The following ME1 variants were observed in gnomAD, a reference collection of about 807,000 sequenced individuals.
The protein encoded by ME1 is NADP-dependent malic enzyme.
A neutral mutation model predicts 66.4 loss-of-function variants in ME1; 74 were observed. That is an observed-to-expected ratio of 1.11 (90% CI 0.92 to 1.35). The LOEUF (loss-of-function observed/expected upper bound fraction) is 1.35. Ranked by LOEUF, ME1 falls within the 40% of genes most tolerant of loss-of-function variation. ME1 has a pLI of 0.00. For synonymous variants in ME1, 251 were observed against 235.6 expected (o/e 1.07, Z -0.60); for missense variants, 750 against 694.1 (o/e 1.08, Z -0.90).
chr6:83,428,403 G>C (rs1009172990), intron 1 of ME1, among the ~76,000 whole-genome samples: 1 of 152,236 alleles, frequency 6.6e-6, no homozygotes, highest in East Asian at 1.9e-4. Context: ...TATATATGTA[G>C]AATGAACTAT....
intron 7 of ME1, among the ~76,000 whole-genome samples, chr6:83,242,434 T>C (rs558172605): frequency 6.6e-6 from 1 of 152,212 alleles, no homozygotes; most frequent in East Asian, 1.9e-4. Flanking sequence ...ACTAAATAGA[T>C]TGGGTAAAAT....
At chr6:83,377,047 G>A (rs1021647655) in intron 3 of ME1, among the ~76,000 whole-genome samples, 6 of 152,060 alleles carry the variant, frequency 3.9e-5, no homozygotes, top group African/African-American at 1.4e-4. Context: ...TTATACTGTG[G>A]AAATGTATCA....
chr6:83,402,914 T>A (rs1402992937), intron 2 of ME1, among the ~76,000 whole-genome samples: 1 of 152,206 alleles, frequency 6.6e-6, no homozygotes, highest in Admixed American at 6.5e-5. Flanking sequence ...CCATAAGTAT[T>A]TCTTCCTTGT....
intron 3 of ME1, among the ~76,000 whole-genome samples, chr6:83,396,235 G>A (rs952130548): frequency 9.9e-5 from 15 of 151,920 alleles, no homozygotes; most frequent in Non-Finnish European, 1.2e-4. Flanking sequence ...ATGGTGGTGC[G>A]CACCTGTAAT....
At chr6:83,301,889 G>A (rs1767727247) in intron 6 of ME1, among the ~76,000 whole-genome samples, 1 of 152,136 alleles carries the variant, frequency 6.6e-6, no homozygotes, top group South Asian at 2.1e-4. Flanking sequence ...GCAGTGTGCA[G>A]ATTCCTCATA....
Position 83,392,870 on chromosome 6 carries a change from C to T in ME1, c.362+5497G>A, listed in dbSNP as rs556865028. The T allele has an allele frequency of 1.5e-4, 113 of 779,132 alleles. No homozygotes were observed. The South Asian group carries it at 1.5e-3, about 10-fold the overall frequency. The allele number at this position is 779,132 out of a possible 1,614,324, so 48.3% of individuals were successfully genotyped here. ...TCAAGATTATCAGCAATGCCTCCTG[C>T]ACCACCAGCTGCTTAACGCCCCTGG... is the stretch of plus-strand genomic sequence containing the variant. On this transcript the variant is annotated intron_variant, in intron 3 of 13. Transcript: ENST00000369705.
rs987497812 is a variant in ME1, at chr6:83,354,374, C to T, written c.363-2235G>A. On this transcript the variant is annotated intron_variant, in intron 3 of 13. Transcript: ENST00000369705. ...CTTGAACTCCTGACCTCAAGTGATC[C>T]GCCTGCCTCAGCTTCCCAAAGTGTT... 5.3e-5 allele frequency among the ~76,000 whole-genome samples: 8 copies of T among 152,270 alleles called. No individual in the cohort carries two copies. In the East Asian group the frequency reaches 5.8e-4, roughly 11 times the overall value.
intron 1 of ME1, 114 bp downstream of exon 1, chr6:83,430,763 G>A (rs867880975): frequency 1.7e-5 from 16 of 926,616 alleles, no homozygotes; most frequent in Non-Finnish European, 2.6e-5. Context: ...CGCTCACCGG[G>A]AACCTTCCCA....
At chr6:83,349,825 T>C (rs1768763845) in intron 4 of ME1, among the ~76,000 whole-genome samples, 1 of 152,208 alleles carries the variant, frequency 6.6e-6, no homozygotes, top group Admixed American at 6.5e-5. Context: ...TATATTCCAA[T>C]ATTAACACTC....
chr6:83,311,954 A>G (rs1244255303), intron 6 of ME1, among the ~76,000 whole-genome samples: 1 of 152,112 alleles, frequency 6.6e-6, no homozygotes, highest in African/African-American at 2.4e-5. Flanking sequence ...AAGATGAATG[A>G]CCACAAAGTT....
At chr6:83,369,393 C>A (rs1253386578) in intron 3 of ME1, among the ~76,000 whole-genome samples, 1 of 152,038 alleles carries the variant, frequency 6.6e-6, no homozygotes. Context: ...TAAAGTAACT[C>A]TCTAGTTTTT....
chr6:83,230,169 T>C (rs1187088140), intron 9 of ME1, among the ~76,000 whole-genome samples: 2 of 151,876 alleles, frequency 1.3e-5, no homozygotes, highest in Non-Finnish European at 1.5e-5. Context: ...GTTTTTAATT[T>C]TGTTTTGTTT....
chr6:83,426,148 T>A (rs982852213), intron 1 of ME1, among the ~76,000 whole-genome samples: 1 of 152,224 alleles, frequency 6.6e-6, no homozygotes, highest in African/African-American at 2.4e-5. Context: ...GGCTTGGGAC[T>A]TGGGCTCATT....
At chr6:83,368,378 C>CG (rs1554271036) in intron 3 of ME1, among the ~76,000 whole-genome samples, 3 of 149,020 alleles carry the variant, frequency 2.0e-5, no homozygotes, top group Non-Finnish European at 4.5e-5. Context: ...TTATAAAAAA[C>CG]AAAAAAAAAT....
intron 5 of ME1, among the ~76,000 whole-genome samples, chr6:83,320,524 C>T (rs552784824): frequency 7.2e-5 from 11 of 152,328 alleles, no homozygotes; most frequent in African/African-American, 9.6e-5. Flanking sequence ...CTGTAAACTG[C>T]AGCTGTTCCT....
intron 5 of ME1, among the ~76,000 whole-genome samples, chr6:83,318,017 T>G (rs1253484363): frequency 6.6e-6 from 1 of 152,104 alleles, no homozygotes; most frequent in African/African-American, 2.4e-5. Flanking sequence ...AACTATCTGA[T>G]CTTTGACAAA....
At chr6:83,257,086 AATGTAG>A (rs1766787222) in intron 6 of ME1, among the ~76,000 whole-genome samples, 1 of 152,060 alleles carries the variant, frequency 6.6e-6, no homozygotes, top group Non-Finnish European at 1.5e-5. Context: ...AGAAATACCT[AATGTAG>A]ATGATGGGTT....
At chr6:83,394,903 A>G (rs1310614996) in intron 3 of ME1, among the ~76,000 whole-genome samples, 1 of 152,150 alleles carries the variant, frequency 6.6e-6, no homozygotes, top group Non-Finnish European at 1.5e-5. Context: ...GGTGACTACT[A>G]TTTCATTTAA....
At chr6:83,243,894 T>G (rs1270662774) in intron 7 of ME1, among the ~76,000 whole-genome samples, 26 of 138,638 alleles carry the variant, frequency 1.9e-4, no homozygotes, top group Non-Finnish European at 7.6e-5. Context: ...TGTGTATATA[T>G]ATATATATAT....
Sources: allele counts gnomAD v4.1 joint callset (sites outside exome capture counted in the v4.1 genomes callset), GRCh38; gene constraint gnomAD v4.1.1; transcripts MANE v1.5; gene names NCBI Gene and HGNC (gene_info 2026-07-23, HGNC 2026-07-21).